Variants in GRID2 observed in about 807,000 individuals in gnomAD.
GRID2 encodes the protein glutamate receptor ionotropic, delta-2.
In GRID2, 33 loss-of-function variants were observed where a neutral mutation model predicts 114.8. That is an observed-to-expected ratio of 0.29 (90% CI 0.22 to 0.38). The LOEUF (loss-of-function observed/expected upper bound fraction) is 0.38. GRID2 is among the 10% of genes least tolerant of loss of function. GRID2 has a pLI of 1.00. For missense variants in GRID2, 1,184 were observed against 1,257.7 expected, an observed-to-expected ratio of 0.94 and a Z score of 0.89; for synonymous variants, 505 against 449.9, an observed-to-expected ratio of 1.12 and a Z score of -1.55.
intron 3 of GRID2, among the ~76,000 whole-genome samples, chr4:93,091,540 T>G (rs2149329546): frequency 6.6e-6 from 1 of 152,144 alleles, no homozygotes; most frequent in African/African-American, 2.4e-5. Flanking sequence ...ATTGTAGGGG[T>G]CTGTGAATGT....
rs575841853 is a variant in GRID2, at chr4:92,331,188, T to C, written c.88+26444T>C. On this transcript the variant is annotated intron_variant, in intron 1 of 15. Transcript: ENST00000282020. ...CCTTGATTTACTTTTTGAATAAAGT[T>C]TTAAATGGTTAAAATATATTTTAAT... 1.5e-4 allele frequency among the ~76,000 whole-genome samples: 23 copies of C among 152,306 alleles called. No homozygotes were observed. In the South Asian group the frequency reaches 4.3e-3, roughly 29 times the overall value.
At chr4:93,046,790 T>C (rs1340441467) in intron 2 of GRID2, among the ~76,000 whole-genome samples, 6 of 151,934 alleles carry the variant, frequency 3.9e-5, no homozygotes, top group African/African-American at 1.4e-4. Flanking sequence ...ATGTCTTGTA[T>C]GGAAGCTATT....
At chr4:92,886,770 T>C (rs373962512) in intron 2 of GRID2, among the ~76,000 whole-genome samples, 38 of 152,012 alleles carry the variant, frequency 2.5e-4, no homozygotes, top group Middle Eastern at 6.8e-3. Context: ...GGACTACAGG[T>C]GCCCGCCACC....
intron 14 of GRID2, among the ~76,000 whole-genome samples, chr4:93,663,494 T>A (rs1723680619): frequency 1.3e-5 from 2 of 151,572 alleles, no homozygotes; most frequent in Admixed American, 1.3e-4. Context: ...AAAATACATA[T>A]GTATGTATTA....
intron 14 of GRID2, among the ~76,000 whole-genome samples, chr4:93,655,202 T>A (rs2149727573): frequency 6.6e-6 from 1 of 152,252 alleles, no homozygotes; most frequent in South Asian, 2.1e-4. Flanking sequence ...ATAAGAAAAT[T>A]AAATAAGACA....
intron 14 of GRID2, among the ~76,000 whole-genome samples, chr4:93,683,451 A>C (rs1725782935): frequency 6.6e-6 from 1 of 152,074 alleles, no homozygotes; most frequent in Non-Finnish European, 1.5e-5. Flanking sequence ...TAGCCAAAAT[A>C]TTCCTATACT....
At chr4:93,485,482 T>C (rs947129508) in intron 11 of GRID2, among the ~76,000 whole-genome samples, 1 of 151,800 alleles carries the variant, frequency 6.6e-6, no homozygotes, top group African/African-American at 2.4e-5. Context: ...TTCTCCTATA[T>C]AGTTTTCTAG....
chr4:93,155,558 G>A (rs925204081), intron 4 of GRID2, among the ~76,000 whole-genome samples: 1 of 151,922 alleles, frequency 6.6e-6, no homozygotes, highest in Admixed American at 6.6e-5. Flanking sequence ...ACTTTATCCA[G>A]TAAAACTGAA....
At chr4:93,597,796 A>G (rs1739251914) in intron 13 of GRID2, among the ~76,000 whole-genome samples, 1 of 152,244 alleles carries the variant, frequency 6.6e-6, no homozygotes, top group African/African-American at 2.4e-5. Flanking sequence ...ATCCTTGCCT[A>G]CATACCTACC....
chr4:93,092,585 T>C (rs1050543655), intron 3 of GRID2, among the ~76,000 whole-genome samples: 2 of 152,096 alleles, frequency 1.3e-5, no homozygotes, highest in Admixed American at 1.3e-4. Context: ...GTAGATCATG[T>C]CAGGCAGCAA....
chr4:92,589,063 G>A (rs1376730936), intron 1 of GRID2, among the ~76,000 whole-genome samples: 1 of 152,142 alleles, frequency 6.6e-6, no homozygotes, highest in Non-Finnish European at 1.5e-5. Context: ...CTGAAATCAC[G>A]CCATTGCACT....
In GRID2 at chr4:92,370,908, G is replaced by A. The variant is rs73839297; in HGVS notation, c.88+66164G>A. On this transcript the variant is annotated intron_variant, in intron 1 of 15. Transcript: ENST00000282020. The stretch of plus-strand genomic sequence containing the variant: ...AAAGTTCTAGAAAGTTCTAGAAAAC[G>A]GAACGTTCTAGAAAGTGCTTCTTTT... Among the ~76,000 whole-genome samples the A allele has an allele frequency of 9.0e-3, 1,374 of 152,128 alleles. 18 individuals are homozygous for A. Among genetic ancestry groups the A allele is most frequent in the African/African-American group, 0.031 (1,300 of 41,508 alleles).
At chr4:93,218,496 G>A (rs2149485111) in intron 6 of GRID2, among the ~76,000 whole-genome samples, 1 of 152,212 alleles carries the variant, frequency 6.6e-6, no homozygotes, top group African/African-American at 2.4e-5. Flanking sequence ...GGGTTTCAAA[G>A]TGAGTCCCTA....
chr4:92,345,242 G>C (rs892111534), intron 1 of GRID2, among the ~76,000 whole-genome samples: 1 of 152,078 alleles, frequency 6.6e-6, no homozygotes, highest in African/African-American at 2.4e-5. Flanking sequence ...ACTTCACTTA[G>C]AATAATAGCT....
At chr4:93,057,777 C>T (rs1727400181) in intron 2 of GRID2, among the ~76,000 whole-genome samples, 1 of 151,662 alleles carries the variant, frequency 6.6e-6, no homozygotes, top group African/African-American at 2.4e-5. Flanking sequence ...TGAACAGCAC[C>T]CGCCAGAATT....
chr4:92,579,353 CTTT>C (rs1728064247), intron 1 of GRID2, among the ~76,000 whole-genome samples: 1 of 151,884 alleles, frequency 6.6e-6, no homozygotes, highest in East Asian at 1.9e-4. Flanking sequence ...CTTTCCAGCT[CTTT>C]TTTGTTTCTT....
intron 3 of GRID2, among the ~76,000 whole-genome samples, chr4:93,108,231 GT>G (rs1183115585): frequency 2.6e-5 from 4 of 152,094 alleles, no homozygotes; most frequent in Non-Finnish European, 4.4e-5. Flanking sequence ...TGCATTCATT[GT>G]TTTCTTCCAA....
intron 2 of GRID2, among the ~76,000 whole-genome samples, chr4:92,861,713 TGAAG>T (rs1382532539): frequency 6.6e-6 from 1 of 152,052 alleles, no homozygotes; most frequent in African/African-American, 2.4e-5. Flanking sequence ...AAATATGTGA[TGAAG>T]GAAGAAATGA....
chr4:92,585,269 A>G (rs1317226659), intron 1 of GRID2, among the ~76,000 whole-genome samples: 2 of 151,950 alleles, frequency 1.3e-5, no homozygotes, highest in Non-Finnish European at 2.9e-5. Flanking sequence ...TTAAAAAGAA[A>G]ATAAAAGATT....
Sources: gnomAD v4.1 joint callset for allele counts (sites outside exome capture counted in the v4.1 genomes callset) on GRCh38, gnomAD v4.1.1 for gene constraint, MANE v1.5 for transcripts, NCBI Gene and HGNC (gene_info 2026-07-23, HGNC 2026-07-21) for gene names.